The following PCDH15 variants were observed in gnomAD, a reference collection of about 807,000 sequenced individuals.
PCDH15 encodes the protein protocadherin related 15.
Under a neutral mutation model 178.5 loss-of-function variants are expected in PCDH15, and 129 were observed. The observed-to-expected ratio is 0.72, with a 90% CI of 0.63 to 0.84. PCDH15 has a LOEUF of 0.84. PCDH15 is among the 40% of genes least tolerant of loss of function. The probability of loss-of-function intolerance (pLI) is 0.00; values close to 1 mark genes in which losing one functional copy is unlikely to be tolerated. For missense variants in PCDH15, 2,230 were observed against 2,099.9 expected (o/e 1.06, Z -1.21); for synonymous variants, 800 against 732.0 (o/e 1.09, Z -1.50).
intron 3 of PCDH15, among the ~76,000 whole-genome samples, chr10:54,862,741 A>G (rs1277864955): frequency 1.3e-5 from 2 of 152,110 alleles, no homozygotes; most frequent in Non-Finnish European, 2.9e-5. Context: ...CTCTCTCATC[A>G]TATGTGCCAG....
At chr10:55,371,771 A>G (rs1004358550) in intron 2 of PCDH15, among the ~76,000 whole-genome samples, 8 of 152,146 alleles carry the variant, frequency 5.3e-5, no homozygotes, top group Non-Finnish European at 1.0e-4. Context: ...ACCCAGTCTC[A>G]GGTAGTTTTT....
In PCDH15 at chr10:53,866,869, G is replaced by GA; in HGVS notation, c.3502-13_3502-12insT. ...TCTTTATCAGTAGCCTAGACGGAGG[G>GA]GAAAAAAAAAGAGATTATAATTAAG... On this transcript the variant is annotated splice_polypyrimidine_tract_variant and intron_variant, in intron 26 of 37. Transcript: ENST00000644397. 3 of 1,540,450 alleles carry GA rather than the reference G, an allele frequency of 1.9e-6. No homozygotes were observed. Among genetic ancestry groups the GA allele is most frequent in the Admixed American group, 3.6e-5 (2 of 56,232 alleles).
chr10:54,075,920 A>G (rs1351622010), intron 17 of PCDH15, among the ~76,000 whole-genome samples: 1 of 152,074 alleles, frequency 6.6e-6, no homozygotes, highest in Non-Finnish European at 1.5e-5. Context: ...CTTTTTGGCT[A>G]TCTGGGGTCC....
chr10:54,115,434 T>C (rs924593917), intron 15 of PCDH15, among the ~76,000 whole-genome samples: 8 of 152,218 alleles, frequency 5.3e-5, no homozygotes, highest in African/African-American at 1.9e-4. Context: ...GACGGGATTA[T>C]TCCCTTATAC....
At chr10:55,318,935 G>A (rs1162565252) in intron 1 of PCDH15, among the ~76,000 whole-genome samples, 2 of 152,028 alleles carry the variant, frequency 1.3e-5, no homozygotes, top group South Asian at 2.1e-4. Context: ...CATAGGTTTT[G>A]GAGTGCCTTC....
chr10:53,915,515 G>A (rs1339070052), intron 25 of PCDH15, among the ~76,000 whole-genome samples: 1 of 152,164 alleles, frequency 6.6e-6, no homozygotes, highest in Non-Finnish European at 1.5e-5. Context: ...GTTAATAACT[G>A]AATTGAGTAA....
chr10:55,269,492 C>G (rs1842384338), intron 1 of PCDH15, among the ~76,000 whole-genome samples: 2 of 151,970 alleles, frequency 1.3e-5, no homozygotes, highest in South Asian at 4.1e-4. Context: ...CAATAATGTT[C>G]AGGCTGAGAG....
chr10:54,211,112 A>T (rs1033905621), intron 10 of PCDH15, among the ~76,000 whole-genome samples: 1 of 152,120 alleles, frequency 6.6e-6, no homozygotes, highest in Non-Finnish European at 1.5e-5. Context: ...GGACTTTGTA[A>T]TAGATGGTCC....
rs539359777 is a variant in PCDH15 at position 54,824,814 on chromosome 10, G to A, written c.-29+72636C>T. The stretch of plus-strand genomic sequence containing the variant: ...ACTTTTACCCTCAAGATGGGAAAAT[G>A]TTATGTTATCTTTCTTTATTATCAA... On this transcript the variant is annotated intron_variant, in intron 3 of 5. Coordinates refer to the PCDH15 transcript ENST00000458638. Among the ~76,000 whole-genome samples, 11 of 152,032 alleles carry A rather than the reference G, an allele frequency of 7.2e-5. No homozygotes were observed. In the East Asian group the frequency reaches 2.1e-3, roughly 29 times the overall value.
At chr10:53,996,162 T>C in intron 20 of PCDH15, among the ~76,000 whole-genome samples, 1 of 146,636 alleles carries the variant, frequency 6.8e-6, no homozygotes, top group African/African-American at 2.7e-5. Context: ...AAATGCTCTT[T>C]ATATGTTTTT....
chr10:54,518,900 G>C (rs1197161004), intron 3 of PCDH15, among the ~76,000 whole-genome samples: 1 of 152,132 alleles, frequency 6.6e-6, no homozygotes, highest in African/African-American at 2.4e-5. Flanking sequence ...TGCAAGGCTG[G>C]TTCAATATAT....
rs554508252 is a variant in PCDH15, at chr10:55,435,381, T to C, written c.-156+192244A>G. On this transcript the variant is annotated intron_variant, in intron 2 of 5. Transcript: ENST00000613346. ...TTTACCTCGCATTTTTGATAATGTA[T>C]TGTTACTTTTAAAATTAGCAAATAG... is the stretch of plus-strand genomic sequence containing the variant. Among the ~76,000 whole-genome samples the C allele has an allele frequency of 1.3e-4, 20 of 152,326 alleles. No homozygotes were observed. The South Asian group carries it at 4.1e-3, about 32-fold the overall frequency.
chr10:54,992,999 A>C (rs1311897773), intron 2 of PCDH15, among the ~76,000 whole-genome samples: 1 of 151,582 alleles, frequency 6.6e-6, no homozygotes, highest in Non-Finnish European at 1.5e-5. Flanking sequence ...AATAGCAGAA[A>C]CTCCACCAAG....
intron 2 of PCDH15, among the ~76,000 whole-genome samples, chr10:55,556,358 T>C (rs542309035): frequency 2.0e-5 from 3 of 152,264 alleles, no homozygotes; most frequent in Admixed American, 1.3e-4. Flanking sequence ...GGGATATCTA[T>C]TGCTGCATAT....
intron 25 of PCDH15, among the ~76,000 whole-genome samples, chr10:53,913,761 CA>C (rs1438023319): frequency 6.7e-6 from 1 of 149,850 alleles, no homozygotes; most frequent in African/African-American, 2.5e-5. Context: ...AACCAAAAAA[CA>C]AAAAACAAAA....
intron 1 of PCDH15, among the ~76,000 whole-genome samples, chr10:55,241,385 A>G (rs1472411488): frequency 6.6e-6 from 1 of 152,124 alleles, no homozygotes; most frequent in African/African-American, 2.4e-5. Flanking sequence ...TTTGAACCAC[A>G]TGGTAGATTT....
intron 1 of PCDH15, among the ~76,000 whole-genome samples, chr10:54,675,180 AT>A (rs1258286133): frequency 6.6e-6 from 1 of 152,026 alleles, no homozygotes; most frequent in Non-Finnish European, 1.5e-5. Context: ...TATATAGTAA[AT>A]TCAAACTGCC....
intron 6 of PCDH15, among the ~76,000 whole-genome samples, chr10:54,343,758 C>T (rs191905375): frequency 4.7e-4 from 71 of 151,164 alleles, no homozygotes; most frequent in African/African-American, 1.6e-3. Flanking sequence ...AACAAACCCG[C>T]ACGTTGTGCA....
At chr10:54,180,741 C>T (rs140234086) in intron 13 of PCDH15, among the ~76,000 whole-genome samples, 43 of 152,212 alleles carry the variant, frequency 2.8e-4, no homozygotes, top group African/African-American at 1.0e-3. Flanking sequence ...ATAGCGAGAC[C>T]ATTCTTCTAC....
Sources: gnomAD v4.1 joint callset for allele counts (sites outside exome capture counted in the v4.1 genomes callset) on GRCh38, gnomAD v4.1.1 for gene constraint, MANE v1.5 for transcripts, NCBI Gene and HGNC (gene_info 2026-07-23, HGNC 2026-07-21) for gene names.